EGF: variants seen among roughly 807,000 people sequenced by gnomAD.
EGF encodes epidermal growth factor, also known as pro-epidermal growth factor.
EGF carries 95 observed loss-of-function variants against 143.8 expected under a neutral mutation model. That is an observed-to-expected ratio of 0.66 (90% CI 0.56 to 0.78). The LOEUF is 0.78. Ranked by LOEUF, EGF falls within the 30% of genes least tolerant of loss-of-function variation. The pLI is 0.00. For missense variants in EGF, 1,320 were observed against 1,470.9 expected, an observed-to-expected ratio of 0.90 and a Z score of 1.68; for synonymous variants, 510 against 510.5, an observed-to-expected ratio of 1.00 and a Z score of 0.01.
At chr4:109,959,550 A>G (rs1205165082) in intron 6 of EGF, 113 bp downstream of exon 6, 1 of 1,549,730 alleles carries the variant, frequency 6.5e-7, no homozygotes, top group East Asian at 2.3e-5. Context: ...TCAGTGGAAA[A>G]CCAACTTCAA....
intron 23 of EGF, among the ~76,000 whole-genome samples, chr4:110,010,041 C>A (rs1259309918): frequency 6.6e-6 from 1 of 152,118 alleles, no homozygotes; most frequent in Admixed American, 6.5e-5. Flanking sequence ...TTGAGACCAG[C>A]CTGTCTCTAC....
chr4:109,956,662 A>G (rs1199760957), intron 5 of EGF, among the ~76,000 whole-genome samples: 1 of 152,218 alleles, frequency 6.6e-6, no homozygotes, highest in African/African-American at 2.4e-5. Flanking sequence ...TAATGTAACT[A>G]TACATGTATA....
At chr4:110,002,774 A>G (rs542090661) in intron 21 of EGF, among the ~76,000 whole-genome samples, 46 of 152,236 alleles carry the variant, frequency 3.0e-4, no homozygotes, top group African/African-American at 9.9e-4. Context: ...TATTAAGCCC[A>G]GTACCCAACG....
chr4:109,963,064 C>CAAA (rs61309548), intron 8 of EGF, 109 bp from the exon 9 acceptor site: 221 of 1,119,340 alleles, frequency 2.0e-4, no homozygotes, highest in African/African-American at 1.3e-3. Context: ...AACTCCATCT[C>CAAA]AAAAAAAAAA....
intron 10 of EGF, among the ~76,000 whole-genome samples, chr4:109,966,040 T>TAA (rs1348687198): frequency 6.6e-6 from 1 of 150,794 alleles, no homozygotes; most frequent in African/African-American, 2.4e-5. Flanking sequence ...TTTAAAAAAA[T>TAA]ATATATATAT....
chr4:109,922,489 T>C lies in EGF; in HGVS notation c.127+9027T>C, dbSNP rs557226175. The stretch of plus-strand genomic sequence containing the variant: ...GACATCCTCTTTAACATGAGCTATG[T>C]TGACACATATGAAGTTACTGGGTTT... On this transcript the variant is annotated intron_variant, in intron 1 of 23. Coordinates refer to ENST00000265171, the MANE Select transcript of EGF (RefSeq NM_001963.6). Among the ~76,000 whole-genome samples the C allele has an allele frequency of 2.5e-4, 38 of 151,870 alleles. No individual in the cohort carries two copies. In the South Asian group the frequency reaches 7.5e-3, roughly 30 times the overall value.
intron 18 of EGF, among the ~76,000 whole-genome samples, chr4:109,990,503 A>G (rs1750785546): frequency 6.6e-6 from 1 of 152,216 alleles, no homozygotes; most frequent in Admixed American, 6.5e-5. Context: ...CATGACTGCC[A>G]TTAAGGGTAG....
intron 16 of EGF, 71 bp from the exon 17 acceptor site, chr4:109,987,673 A>G: frequency 8.0e-7 from 1 of 1,254,942 alleles, no homozygotes; most frequent in South Asian, 1.2e-5. Context: ...GTTCTGTAGA[A>G]CCAGAAGATT....
chr4:109,934,062 C>T (rs908672556), intron 1 of EGF, among the ~76,000 whole-genome samples: 2 of 152,208 alleles, frequency 1.3e-5, no homozygotes, highest in African/African-American at 4.8e-5. Context: ...GTTCCTATTT[C>T]TCCACATCCT....
intron 1 of EGF, among the ~76,000 whole-genome samples, chr4:109,917,777 C>T (rs778520654): frequency 5.9e-5 from 9 of 152,012 alleles, no homozygotes; most frequent in Non-Finnish European, 1.2e-4. Context: ...TATGCCACCA[C>T]ACCTGCTAAT....
intron 10 of EGF, among the ~76,000 whole-genome samples, chr4:109,965,086 G>C (rs1345035422): frequency 6.6e-6 from 1 of 152,046 alleles, no homozygotes; most frequent in African/African-American, 2.4e-5. Context: ...TATAAGTTTT[G>C]TGTGTAACTT....
At chr4:110,010,157 G>A (rs1753820309) in intron 23 of EGF, among the ~76,000 whole-genome samples, 1 of 152,150 alleles carries the variant, frequency 6.6e-6, no homozygotes, top group African/African-American at 2.4e-5. Flanking sequence ...TACTCAGGAG[G>A]CTGAGGTAGG....
chr4:109,968,704 CT>C, intron 10 of EGF: 1 of 432,478 alleles, frequency 2.3e-6, no homozygotes, highest in Non-Finnish European at 4.2e-6. Flanking sequence ...ATCTATCTAT[CT>C]ATCTACCTAC....
At position 109,980,981 on chromosome 4, in the gene EGF, A is replaced by T; in HGVS notation, c.2371+6A>T. 7 of 1,614,078 alleles carry T rather than the reference A, an allele frequency of 4.3e-6. No homozygotes were observed. The highest frequency in any genetic ancestry group is 5.9e-6 in the Non-Finnish European group (7 of 1,179,950). ...TGGTCATCAGCTGTTGGCAGGTAAT[A>T]TAATAAATTATGTGGCAAATTACCT... is the stretch of plus-strand genomic sequence containing the variant. On this transcript the variant is annotated splice_donor_region_variant and intron_variant, in intron 15 of 23. Transcript: ENST00000265171.
At chr4:109,923,470 G>T (rs931950738) in intron 1 of EGF, among the ~76,000 whole-genome samples, 1 of 151,460 alleles carries the variant, frequency 6.6e-6, no homozygotes, top group African/African-American at 2.5e-5. Context: ...ACCAAATTTT[G>T]TACCTCCAAT....
intron 23 of EGF, 48 bp downstream of exon 23, chr4:110,008,278 T>A: frequency 6.2e-7 from 1 of 1,604,358 alleles, no homozygotes; most frequent in Non-Finnish European, 8.5e-7. Context: ...TTTACTTAGA[T>A]CCTGACTGTT....
At chr4:110,000,451 C>T (rs1752434756) in intron 21 of EGF, among the ~76,000 whole-genome samples, 1 of 151,964 alleles carries the variant, frequency 6.6e-6, no homozygotes, top group Admixed American at 6.6e-5. Flanking sequence ...ATTATATGCT[C>T]CCCCCATAGC....
intron 16 of EGF, among the ~76,000 whole-genome samples, chr4:109,987,302 A>G (rs1305397904): frequency 1.3e-5 from 2 of 151,992 alleles, no homozygotes; most frequent in Admixed American, 6.6e-5. Flanking sequence ...GGGACTATGC[A>G]TCTCTTTTTT....
Position 109,913,274 on chromosome 4 carries a change from C to T in EGF, c.-62C>T. 1.9e-6 allele frequency: 3 copies of T among 1,605,814 alleles called. No individual in the cohort carries two copies. Among genetic ancestry groups the T allele is most frequent in the South Asian group, 2.2e-5 (2 of 90,440 alleles). Reference sequence around the variant, plus strand: ...TCTGGGGTCAATCATACTCACCTTGCCCGGGCCATGCTCCAGCAAAATCAA... The same window carrying T: ...TCTGGGGTCAATCATACTCACCTTGTCCGGGCCATGCTCCAGCAAAATCAA... On this transcript the variant is annotated 5_prime_UTR_variant, in exon 1 of 24. Coordinates refer to ENST00000265171, the MANE Select transcript of EGF (RefSeq NM_001963.6).
Sources: gnomAD v4.1 joint callset for allele counts (sites outside exome capture counted in the v4.1 genomes callset) on GRCh38, gnomAD v4.1.1 for gene constraint, MANE v1.5 for transcripts, NCBI Gene and HGNC (gene_info 2026-07-23, HGNC 2026-07-21) for gene names.